Variants in CCDC158 observed in about 807,000 individuals in gnomAD.
The protein encoded by CCDC158 is coiled-coil domain containing 158.
Under a neutral mutation model 138.6 loss-of-function variants are expected in CCDC158, and 116 were observed. The ratio of observed to expected loss-of-function variants is 0.84; its 90% CI spans 0.72 to 0.98. CCDC158 has a LOEUF of 0.98. Ranked by LOEUF, CCDC158 falls within the 50% of genes least tolerant of loss-of-function variation. The pLI, the probability that CCDC158 is intolerant of heterozygous loss-of-function variation, is 0.00. For synonymous variants in CCDC158, 436 were observed against 442.4 expected, an observed-to-expected ratio of 0.99 and a Z score of 0.18; for missense variants, 1,265 against 1,306.1, an observed-to-expected ratio of 0.97 and a Z score of 0.48.
chr4:76,413,034 G>A (rs946475567), intron 1 of CCDC158, among the ~76,000 whole-genome samples: 1 of 152,102 alleles, frequency 6.6e-6, no homozygotes, highest in Admixed American at 6.6e-5. Context: ...CTCTTGACCA[G>A]GCAACATCAC....
chr4:76,394,544 G>A (rs1417027217), intron 4 of CCDC158, among the ~76,000 whole-genome samples: 1 of 151,852 alleles, frequency 6.6e-6, no homozygotes, highest in Non-Finnish European at 1.5e-5. Context: ...AAAATACAAC[G>A]AATAAGACCT....
intron 11 of CCDC158, among the ~76,000 whole-genome samples, chr4:76,368,632 A>G (rs1724920985): frequency 6.6e-6 from 1 of 152,168 alleles, no homozygotes; most frequent in Non-Finnish European, 1.5e-5. Flanking sequence ...ACGTTTTGCT[A>G]CTGGAGGGTG....
rs562610340 is a variant in CCDC158, at chr4:76,364,631, T to A, written c.1831-2316A>T. Among the ~76,000 whole-genome samples, 4 of 152,356 alleles carry A rather than the reference T, an allele frequency of 2.6e-5. 1 individual carries two copies. The highest frequency in any genetic ancestry group is 9.6e-5 in the African/African-American group (4 of 41,590). On this transcript the variant is annotated intron_variant, in intron 12 of 24. Transcript: ENST00000682701. ...CTACTAGAAAACTTAAAATTATATA[T>A]GTCACTTACACTGTATTTCTGGTGG... is the stretch of plus-strand genomic sequence containing the variant.
intron 1 of CCDC158, among the ~76,000 whole-genome samples, chr4:76,420,751 G>A (rs922226307): frequency 4.6e-5 from 7 of 152,284 alleles, no homozygotes; most frequent in East Asian, 3.9e-4. Context: ...TCAAGGTCCA[G>A]GTTTCAGCGC....
At chr4:76,337,667 G>A in intron 18 of CCDC158, among the ~76,000 whole-genome samples, 1 of 152,138 alleles carries the variant, frequency 6.6e-6, no homozygotes, top group Non-Finnish European at 1.5e-5. Flanking sequence ...AGGAGGCAGA[G>A]GTTGCAGTGA....
rs1167570289 is a variant in CCDC158 at position 76,420,953 on chromosome 4, C to T, written c.-117+12G>A. 6.6e-6 allele frequency among the ~76,000 whole-genome samples: 1 copy of T among 152,268 alleles called. No homozygotes were observed. Among genetic ancestry groups the T allele is most frequent in the Middle Eastern group, 3.4e-3 (1 of 292 alleles). On this transcript the variant is annotated intron_variant, in intron 1 of 24. Transcript: ENST00000682701. ...CACCATCCTCGTCTCCCGGGCCGCGCCCCGCTTGTACCTGCAACCAACACC... is the reference window on the plus strand; with the variant it reads ...CACCATCCTCGTCTCCCGGGCCGCGTCCCGCTTGTACCTGCAACCAACACC...
intron 3 of CCDC158, 109 bp downstream of exon 3, chr4:76,403,029 G>C: frequency 1.4e-6 from 1 of 712,934 alleles, no homozygotes; most frequent in Non-Finnish European, 2.4e-6. Flanking sequence ...TCATGATCAT[G>C]GTCTGTAACC....
At chr4:76,366,983 C>T (rs1373200484) in intron 12 of CCDC158, among the ~76,000 whole-genome samples, 17 of 152,144 alleles carry the variant, frequency 1.1e-4, no homozygotes, top group Admixed American at 5.9e-4. Flanking sequence ...TAGTGAGAGA[C>T]GGGGTTCAAA....
intron 3 of CCDC158, chr4:76,401,636 G>T (rs1234665278): frequency 1.9e-5 from 3 of 159,944 alleles, no homozygotes; most frequent in African/African-American, 7.2e-5. Context: ...TAAAAGACAG[G>T]AGGTTGAATT....
At chr4:76,318,820 G>T (rs975015110) in intron 24 of CCDC158, among the ~76,000 whole-genome samples, 2 of 152,170 alleles carry the variant, frequency 1.3e-5, no homozygotes, top group African/African-American at 4.8e-5. Context: ...AACAAAAAAA[G>T]AAAACTACAG....
Position 76,395,216 on chromosome 4 carries a change from A to T in CCDC158, c.288+1053T>A, listed in dbSNP as rs557355876. Among the ~76,000 whole-genome samples the T allele has an allele frequency of 1.1e-4, 16 of 152,284 alleles. No individual in the cohort carries two copies. The South Asian group carries it at 3.1e-3, about 30-fold the overall frequency. ...ATACAACTTCATTAGTGTATTTATC[A>T]TAGGTAATGCCACTGTTTATATGAC... On this transcript the variant is annotated intron_variant, in intron 4 of 24. Coordinates refer to ENST00000682701, the MANE Select transcript of CCDC158 (RefSeq NM_001394954.1).
At chr4:76,364,835 C>T (rs572995872) in intron 12 of CCDC158, among the ~76,000 whole-genome samples, 1 of 152,308 alleles carries the variant, frequency 6.6e-6, no homozygotes, top group Non-Finnish European at 1.5e-5. Flanking sequence ...TGAAATATAG[C>T]CACATGACAA....
intron 1 of CCDC158, among the ~76,000 whole-genome samples, chr4:76,415,383 T>C (rs536100130): frequency 6.6e-6 from 1 of 152,206 alleles, no homozygotes; most frequent in African/African-American, 2.4e-5. Flanking sequence ...GACTATGTGA[T>C]AGAAAAGGAA....
At chr4:76,406,817 C>T (rs1728865223) in intron 2 of CCDC158, among the ~76,000 whole-genome samples, 2 of 151,942 alleles carry the variant, frequency 1.3e-5, no homozygotes, top group Admixed American at 1.3e-4. Flanking sequence ...CTGTGACATA[C>T]ATTAAAATAG....
In CCDC158 at chr4:76,384,633, A is replaced by G. The variant is rs1400689858; in HGVS notation, c.321T>C (p.Tyr107=). 1.2e-6 allele frequency: 2 copies of G among 1,613,420 alleles called. No homozygotes were observed. The highest frequency in any genetic ancestry group is 2.7e-5 in the African/African-American group (2 of 74,926). The part of the protein sequence containing the change: ...SNELHEKQKF[Y]LRQSVIDLQT... Reference sequence around the variant, plus strand: ...GCAAATCAATGACTGACTGCCTCAAATAAAACTTTTGTTTCTCATGCAATT... The same window carrying G: ...GCAAATCAATGACTGACTGCCTCAAGTAAAACTTTTGTTTCTCATGCAATT... The change falls in exon 5 of 25, where the codon TAT becomes TAC. Residue 107 remains tyrosine, a synonymous_variant. Coordinates refer to ENST00000682701, the MANE Select transcript of CCDC158 (RefSeq NM_001394954.1).
chr4:76,347,838 C>T (rs1456389797), intron 18 of CCDC158, among the ~76,000 whole-genome samples: 1 of 152,030 alleles, frequency 6.6e-6, no homozygotes, highest in East Asian at 1.9e-4. Context: ...TGACTAGAAA[C>T]CAAGGGAAAA....
intron 1 of CCDC158, among the ~76,000 whole-genome samples, chr4:76,414,958 G>A (rs1277528203): frequency 6.6e-6 from 1 of 152,200 alleles, no homozygotes; most frequent in Non-Finnish European, 1.5e-5. Flanking sequence ...TTGCAACTGG[G>A]TAACAGGCAG....
At chr4:76,357,584 A>C (rs1177580212) in intron 13 of CCDC158, 58 bp from the exon 14 acceptor site, 10 of 1,080,428 alleles carry the variant, frequency 9.3e-6, no homozygotes, top group Middle Eastern at 3.0e-4. Context: ...ATTGTTAATT[A>C]AGTATATTTT....
intron 18 of CCDC158, chr4:76,345,474 A>G: frequency 1.1e-6 from 1 of 940,374 alleles, no homozygotes; most frequent in Non-Finnish European, 1.8e-6. Flanking sequence ...TTTCAAACCG[A>G]AGAGAGTGGC....
Sources: allele counts gnomAD v4.1 joint callset (sites outside exome capture counted in the v4.1 genomes callset), GRCh38; gene constraint gnomAD v4.1.1; transcripts MANE v1.5; gene names NCBI Gene and HGNC (gene_info 2026-07-23, HGNC 2026-07-21).